Variants in DLG2 observed in about 807,000 individuals in gnomAD.
DLG2 encodes the protein discs large MAGUK scaffold protein 2, also known as disks large homolog 2.
In DLG2, 45 loss-of-function variants were observed where a neutral mutation model predicts 132.5. That is an observed-to-expected ratio of 0.34 (90% CI 0.27 to 0.44). The LOEUF is 0.44. DLG2 is among the 20% of genes least tolerant of loss of function. The probability of loss-of-function intolerance (pLI) is 1.00; values close to 1 mark genes in which losing one functional copy is unlikely to be tolerated. For missense variants in DLG2, 1,045 were observed against 1,196.9 expected, an observed-to-expected ratio of 0.87 and a Z score of 1.87; for synonymous variants, 424 against 419.6, an observed-to-expected ratio of 1.01 and a Z score of -0.13.
chr11:84,720,329 G>T, intron 6 of DLG2: 8 of 985,468 alleles, frequency 8.1e-6, no homozygotes, highest in Non-Finnish European at 9.6e-6. Context: ...AAGTGTTGTT[G>T]GTGCAAGCAA....
intron 21 of DLG2, among the ~76,000 whole-genome samples, chr11:83,503,366 CATTTATATATATATATATATATAT>C (rs1311388081): frequency 0.047 from 2,234 of 47,092 alleles, 112 homozygotes; most frequent in African/African-American, 0.12. Flanking sequence ...CACACACACC[CATTTATATATATATATATATATAT>C]ATATATATAT....
chr11:84,714,587 CTT>C lies in DLG2; in HGVS notation c.358-179858_358-179857del, dbSNP rs758063335. On this transcript the variant is annotated intron_variant, in intron 6 of 27. Coordinates refer to ENST00000376104, the MANE Select transcript of DLG2 (RefSeq NM_001142699.3). ...TCTTTCTCTTTCTCTTTCTCTTTCT[CTT>C]TCTCTTTCTTTCTCTTTCTCTTTCT... 6.4e-3 allele frequency among the ~76,000 whole-genome samples: 845 copies of C among 131,954 alleles called. 33 individuals carry two copies. Among genetic ancestry groups the C allele is most frequent in the African/African-American group, 0.027 (800 of 29,630 alleles). 86.6% of individuals were successfully genotyped at this position (131,954 alleles called of 152,430 possible).
intron 22 of DLG2, among the ~76,000 whole-genome samples, chr11:83,476,616 G>A (rs1471950884): frequency 6.6e-6 from 1 of 152,034 alleles, no homozygotes; most frequent in Non-Finnish European, 1.5e-5. Context: ...TTATATAAAT[G>A]TTGTTGTTTG....
At chr11:83,516,186 T>C (rs2095286413) in intron 21 of DLG2, among the ~76,000 whole-genome samples, 1 of 152,230 alleles carries the variant, frequency 6.6e-6, no homozygotes, top group Non-Finnish European at 1.5e-5. Context: ...CTCTAAGGAC[T>C]TGCTTTATGA....
At chr11:84,081,980 A>T (rs1267513248) in intron 10 of DLG2, among the ~76,000 whole-genome samples, 2 of 152,134 alleles carry the variant, frequency 1.3e-5, no homozygotes, top group East Asian at 3.9e-4. Context: ...GCTCTCCAGC[A>T]CCTGTTGTTT....
intron 6 of DLG2, among the ~76,000 whole-genome samples, chr11:84,874,960 T>C (rs749395709): frequency 6.3e-5 from 9 of 143,968 alleles, no homozygotes; most frequent in South Asian, 4.3e-4. Flanking sequence ...GTGGACATTA[T>C]AGTGAGTCGA....
At chr11:85,441,541 C>T (rs1328133077) in intron 3 of DLG2, among the ~76,000 whole-genome samples, 2 of 152,154 alleles carry the variant, frequency 1.3e-5, no homozygotes, top group African/African-American at 4.8e-5. Context: ...AATCAATGAT[C>T]ACTTATTCAT....
At chr11:85,300,567 T>C (rs184824589) in intron 3 of DLG2, among the ~76,000 whole-genome samples, 91 of 152,234 alleles carry the variant, frequency 6.0e-4, no homozygotes, top group Non-Finnish European at 1.0e-3. Flanking sequence ...TATGAATAGA[T>C]AGATGGGAAA....
At chr11:85,427,577 G>C (rs2153005969) in intron 3 of DLG2, among the ~76,000 whole-genome samples, 1 of 152,368 alleles carries the variant, frequency 6.6e-6, no homozygotes, top group East Asian at 1.9e-4. Flanking sequence ...AGCAAATGCT[G>C]AGAGATTTTG....
chr11:84,009,517 A>G (rs1047454735), intron 11 of DLG2, among the ~76,000 whole-genome samples: 3 of 152,092 alleles, frequency 2.0e-5, no homozygotes, highest in African/African-American at 7.2e-5. Flanking sequence ...GAATTTAGCA[A>G]GGAAAAGCTA....
At chr11:85,511,550 T>C (rs1334544100) in intron 3 of DLG2, among the ~76,000 whole-genome samples, 1 of 151,860 alleles carries the variant, frequency 6.6e-6, no homozygotes, top group Non-Finnish European at 1.5e-5. Flanking sequence ...GAACATCCCA[T>C]TACTGCAAGT....
At chr11:83,503,607 G>A (rs1338238795) in intron 21 of DLG2, among the ~76,000 whole-genome samples, 3 of 151,554 alleles carry the variant, frequency 2.0e-5, no homozygotes, top group Non-Finnish European at 2.9e-5. Context: ...ATCCAGCATG[G>A]GAGAAGGATG....
At chr11:84,540,146 C>T (rs1277547001) in intron 6 of DLG2, among the ~76,000 whole-genome samples, 1 of 152,056 alleles carries the variant, frequency 6.6e-6, no homozygotes, top group Non-Finnish European at 1.5e-5. Flanking sequence ...AACTTCATGT[C>T]TAAAACACCA....
intron 4 of DLG2, among the ~76,000 whole-genome samples, chr11:85,220,965 G>T (rs969430038): frequency 3.3e-5 from 5 of 151,722 alleles, no homozygotes; most frequent in Non-Finnish European, 5.9e-5. Flanking sequence ...AGATTTTCAG[G>T]ATACAGTTAG....
intron 6 of DLG2, among the ~76,000 whole-genome samples, chr11:84,918,878 A>G (rs552782799): frequency 6.6e-6 from 1 of 152,170 alleles, no homozygotes; most frequent in Non-Finnish European, 1.5e-5. Context: ...GAAATGTGAG[A>G]TTCGCTTAAT....
chr11:84,029,425 GA>G (rs920230352), intron 11 of DLG2, among the ~76,000 whole-genome samples: 6 of 151,076 alleles, frequency 4.0e-5, no homozygotes, highest in Non-Finnish European at 7.4e-5. Flanking sequence ...GCAGAAATGA[GA>G]AAAAAAAATC....
rs115541882 is a variant in DLG2, at chr11:85,430,947, G to A, written c.41-145582C>T. Among the ~76,000 whole-genome samples the A allele has an allele frequency of 3.0e-3, 462 of 151,712 alleles. 1 individual carries two copies. Among genetic ancestry groups the A allele is most frequent in the African/African-American group, 0.011 (445 of 41,376 alleles). ...AGATTACACCACTGTATTTCAGCAT[G>A]AGTGACAGAGCGAGACTCTGTCTCA... On this transcript the variant is annotated intron_variant, in intron 3 of 27. Transcript: ENST00000376104.
chr11:84,663,916 T>C (rs2099697369), intron 6 of DLG2, among the ~76,000 whole-genome samples: 1 of 152,148 alleles, frequency 6.6e-6, no homozygotes, highest in South Asian at 2.1e-4. Context: ...ATGTCTTGTC[T>C]CCAGATCTGG....
At chr11:85,064,087 GT>G (rs1288213602) in intron 6 of DLG2, among the ~76,000 whole-genome samples, 1 of 151,818 alleles carries the variant, frequency 6.6e-6, no homozygotes, top group Non-Finnish European at 1.5e-5. Context: ...AAAACTGAAT[GT>G]CTGTCATATA....
Sources: allele counts gnomAD v4.1 joint callset (sites outside exome capture counted in the v4.1 genomes callset), GRCh38; gene constraint gnomAD v4.1.1; transcripts MANE v1.5; gene names NCBI Gene and HGNC (gene_info 2026-07-23, HGNC 2026-07-21).